The following MACROD2 variants were observed in gnomAD, a reference collection of about 807,000 sequenced individuals.
MACROD2 encodes the protein mono-ADP ribosylhydrolase 2, also known as ADP-ribose glycohydrolase MACROD2.
MACROD2 carries 36 observed loss-of-function variants against 70.4 expected under a neutral mutation model. The observed-to-expected ratio is 0.51, with a 90% CI of 0.39 to 0.68. MACROD2 has a LOEUF of 0.68. Ranked by LOEUF, MACROD2 falls within the 30% of genes least tolerant of loss-of-function variation. The pLI is 0.00. For missense variants in MACROD2, 496 were observed against 538.4 expected, an observed-to-expected ratio of 0.92 and a Z score of 0.78; for synonymous variants, 172 against 178.8, an observed-to-expected ratio of 0.96 and a Z score of 0.30.
chr20:15,628,713 G>C (rs529871534), intron 8 of MACROD2, among the ~76,000 whole-genome samples: 2 of 152,330 alleles, frequency 1.3e-5, no homozygotes, highest in South Asian at 4.1e-4. Flanking sequence ...GAGCAAGATA[G>C]CTTCATTCCC....
Position 15,841,602 on chromosome 20 carries a change from C to T in MACROD2, c.646-21143C>T, listed in dbSNP as rs6074955. Among the ~76,000 whole-genome samples the T allele has an allele frequency of 6.5e-4, 99 of 152,036 alleles. 1 individual carries two copies. Among genetic ancestry groups the T allele is most frequent in the African/African-American group, 2.3e-3 (96 of 41,512 alleles). On this transcript the variant is annotated intron_variant, in intron 8 of 17. Coordinates refer to ENST00000684519, the MANE Select transcript of MACROD2 (RefSeq NM_001351661.2). ...ACTCACATTGTGAGAACAGTATTTACGGGATGGTGCTAAGACATTCATGAG... is the reference window on the plus strand; with the variant it reads ...ACTCACATTGTGAGAACAGTATTTATGGGATGGTGCTAAGACATTCATGAG...
intron 10 of MACROD2, among the ~76,000 whole-genome samples, chr20:15,929,747 A>G (rs947951176): frequency 1.3e-4 from 20 of 152,212 alleles, no homozygotes; most frequent in African/African-American, 4.8e-4. Context: ...TGCCCTTACA[A>G]AACTCTCCCA....
rs1030339009 is a variant in MACROD2, at chr20:14,823,570, A to C, written c.418+138611A>C. Among the ~76,000 whole-genome samples, 40 of 152,024 alleles carry C rather than the reference A, an allele frequency of 2.6e-4. 1 individual carries two copies. Among genetic ancestry groups the C allele is most frequent in the Admixed American group, 2.6e-3 (40 of 15,242 alleles). Reference sequence around the variant, plus strand: ...TTACCAGCCATCGCATTAAGAAGGAAGCTAGAAAAGCGAAGTGGGAAACCA... The same window carrying C: ...TTACCAGCCATCGCATTAAGAAGGACGCTAGAAAAGCGAAGTGGGAAACCA... On this transcript the variant is annotated intron_variant, in intron 5 of 17. Coordinates refer to ENST00000684519, the MANE Select transcript of MACROD2 (RefSeq NM_001351661.2).
chr20:15,236,379 A>G (rs545603692), intron 6 of MACROD2, among the ~76,000 whole-genome samples: 1 of 152,292 alleles, frequency 6.6e-6, no homozygotes, highest in South Asian at 2.1e-4. Flanking sequence ...CCAAACCCAC[A>G]TTGACAGATC....
At chr20:14,226,413 T>C (rs2081734058) in intron 3 of MACROD2, among the ~76,000 whole-genome samples, 1 of 152,232 alleles carries the variant, frequency 6.6e-6, no homozygotes, top group South Asian at 2.1e-4. Context: ...TTGGCGGCAC[T>C]TGAGGAGCAC....
chr20:15,946,536 A>C (rs2065825029), intron 12 of MACROD2, among the ~76,000 whole-genome samples: 1 of 152,228 alleles, frequency 6.6e-6, no homozygotes, highest in Non-Finnish European at 1.5e-5. Flanking sequence ...ATTCGTTTAT[A>C]AACCTTAAAT....
chr20:14,061,569 A>T (rs1284131191), intron 2 of MACROD2, among the ~76,000 whole-genome samples: 2 of 152,094 alleles, frequency 1.3e-5, no homozygotes. Flanking sequence ...GAAGGTGTGT[A>T]CCTAAGTACT....
At chr20:14,533,784 C>T (rs921539252) in intron 4 of MACROD2, among the ~76,000 whole-genome samples, 1 of 152,168 alleles carries the variant, frequency 6.6e-6, no homozygotes, top group African/African-American at 2.4e-5. Flanking sequence ...ACTAGTAAAG[C>T]CATATATTGC....
chr20:15,206,309 C>A (rs988582855), intron 5 of MACROD2, among the ~76,000 whole-genome samples: 1 of 152,094 alleles, frequency 6.6e-6, no homozygotes, highest in Non-Finnish European at 1.5e-5. Flanking sequence ...AATTACCACT[C>A]AAAAATTTCC....
intron 5 of MACROD2, among the ~76,000 whole-genome samples, chr20:14,712,554 G>A (rs1320701295): frequency 1.3e-5 from 2 of 152,120 alleles, no homozygotes; most frequent in Non-Finnish European, 2.9e-5. Flanking sequence ...TCAGATGAGG[G>A]CAATCTTGTT....
intron 7 of MACROD2, among the ~76,000 whole-genome samples, chr20:15,465,644 G>A (rs1253556163): frequency 2.6e-5 from 4 of 152,360 alleles, no homozygotes; most frequent in South Asian, 2.1e-4. Context: ...TTCTCTAAGC[G>A]TGTGAGGCAT....
intron 5 of MACROD2, among the ~76,000 whole-genome samples, chr20:14,976,990 A>G (rs1189973572): frequency 6.6e-6 from 1 of 152,182 alleles, no homozygotes; most frequent in Non-Finnish European, 1.5e-5. Flanking sequence ...CTGATTAGTT[A>G]ATAGATTAAG....
At chr20:14,958,037 GC>G (rs1453584952) in intron 5 of MACROD2, among the ~76,000 whole-genome samples, 2 of 152,088 alleles carry the variant, frequency 1.3e-5, no homozygotes, top group Non-Finnish European at 1.5e-5. Context: ...TATTTGCAAG[GC>G]TTATCCAGCC....
At chr20:14,726,899 C>T (rs1016567288) in intron 5 of MACROD2, among the ~76,000 whole-genome samples, 3 of 152,006 alleles carry the variant, frequency 2.0e-5, no homozygotes, top group Admixed American at 1.3e-4. Context: ...ACTACTTTTT[C>T]CATAAATCCA....
chr20:14,765,815 G>A (rs1327796843), intron 5 of MACROD2, among the ~76,000 whole-genome samples: 3 of 152,006 alleles, frequency 2.0e-5, no homozygotes, highest in Non-Finnish European at 4.4e-5. Context: ...TCACTATTGC[G>A]TGGAGGCTCC....
intron 4 of MACROD2, among the ~76,000 whole-genome samples, chr20:14,643,687 T>C (rs1462178795): frequency 6.6e-6 from 1 of 152,190 alleles, no homozygotes; most frequent in Non-Finnish European, 1.5e-5. Flanking sequence ...ATACCAGTGT[T>C]TGCATGTTAG....
intron 4 of MACROD2, among the ~76,000 whole-genome samples, chr20:14,631,127 C>T (rs926187789): frequency 1.3e-5 from 2 of 152,072 alleles, no homozygotes; most frequent in Non-Finnish European, 2.9e-5. Context: ...AGTTCCAGCA[C>T]TAGGCCCAAC....
intron 5 of MACROD2, among the ~76,000 whole-genome samples, chr20:14,759,102 A>G (rs1035626843): frequency 3.3e-4 from 50 of 152,186 alleles, no homozygotes; most frequent in Admixed American, 2.8e-3. Context: ...TTATTAATTC[A>G]TTAATTACTG....
At chr20:14,781,094 A>G (rs755034904) in intron 5 of MACROD2, among the ~76,000 whole-genome samples, 2 of 152,054 alleles carry the variant, frequency 1.3e-5, no homozygotes, top group Admixed American at 6.6e-5. Flanking sequence ...AATATACAAT[A>G]CATTACTATT....
Sources: allele counts gnomAD v4.1 joint callset (sites outside exome capture counted in the v4.1 genomes callset), GRCh38; gene constraint gnomAD v4.1.1; transcripts MANE v1.5; gene names NCBI Gene and HGNC (gene_info 2026-07-23, HGNC 2026-07-21).